Variants in PTK2B observed in about 807,000 individuals in gnomAD.
The protein encoded by PTK2B is protein tyrosine kinase 2 beta, also known as protein-tyrosine kinase 2-beta.
A neutral mutation model predicts 142.9 loss-of-function variants in PTK2B; 71 were observed. That is an observed-to-expected ratio of 0.50 (90% CI 0.41 to 0.61). The LOEUF (loss-of-function observed/expected upper bound fraction) is 0.61. Ranked by LOEUF, PTK2B falls within the 20% of genes least tolerant of loss-of-function variation. The probability of loss-of-function intolerance (pLI) is 0.00; values close to 1 mark genes in which losing one functional copy is unlikely to be tolerated. For synonymous variants in PTK2B, 519 were observed against 503.4 expected, an observed-to-expected ratio of 1.03 and a Z score of -0.42; for missense variants, 1,105 against 1,320.4, an observed-to-expected ratio of 0.84 and a Z score of 2.53.
intron 1 of PTK2B, among the ~76,000 whole-genome samples, chr8:27,379,520 A>T (rs959281868): frequency 6.6e-6 from 1 of 152,130 alleles, no homozygotes; most frequent in Non-Finnish European, 1.5e-5. Context: ...GAGCCACCAC[A>T]CCCAGCCTAC....
At chr8:27,440,827 G>C (rs890889109) in intron 21 of PTK2B, among the ~76,000 whole-genome samples, 1 of 152,218 alleles carries the variant, frequency 6.6e-6, no homozygotes, top group Non-Finnish European at 1.5e-5. Flanking sequence ...TAGCAAGGAA[G>C]GGAGTGATCT....
chr8:27,430,242 G>C, intron 6 of PTK2B, 87 bp downstream of exon 6: 1 of 1,578,878 alleles, frequency 6.3e-7, no homozygotes, highest in Non-Finnish European at 8.7e-7. Flanking sequence ...CCCCTCCCCA[G>C]ACCAGAGCCA....
In PTK2B at chr8:27,399,071, T is replaced by C. The variant is rs368055854; in HGVS notation, c.204+1283T>C. Among the ~76,000 whole-genome samples, 15 of 152,238 alleles carry C rather than the reference T, an allele frequency of 9.9e-5. No homozygotes were observed. The East Asian group carries it at 1.7e-3, about 18-fold the overall frequency. On this transcript the variant is annotated intron_variant, in intron 2 of 30. Transcript: ENST00000346049. ...CCAGGAGGATGTTTTCCTCTCTCTT[T>C]ATCCACTTCATGAGTCTTCCTTTGG...
intron 1 of PTK2B, among the ~76,000 whole-genome samples, chr8:27,341,488 T>G (rs1804397466): frequency 6.6e-6 from 1 of 152,122 alleles, no homozygotes; most frequent in South Asian, 2.1e-4. Context: ...CAAAAGCTCA[T>G]CCACTCCCAA....
chr8:27,385,819 G>A (rs1209683313), intron 1 of PTK2B, among the ~76,000 whole-genome samples: 1 of 151,234 alleles, frequency 6.6e-6, no homozygotes, highest in Non-Finnish European at 1.5e-5. Flanking sequence ...CTTGAACCCG[G>A]GAGGCAGAGT....
At chr8:27,380,142 C>T (rs2131085723) in intron 1 of PTK2B, among the ~76,000 whole-genome samples, 1 of 152,152 alleles carries the variant, frequency 6.6e-6, no homozygotes, top group East Asian at 1.9e-4. Flanking sequence ...CAGGGACTTG[C>T]TACTCACATC....
Position 27,458,504 on chromosome 8 carries a change from G to C in PTK2B, c.3025G>C (p.Glu1009Gln). 6.4e-7 allele frequency: 1 copy of C among 1,566,994 alleles called. No homozygotes were observed. Among genetic ancestry groups the C allele is most frequent in the Non-Finnish European group, 8.6e-7 (1 of 1,156,814 alleles). The stretch of plus-strand genomic sequence containing the variant: ...GGCCAATCTGGCCCACCCACCTGCA[G>C]AGTGACGGAGGGTGGGGGCCACCTG... ...VLANLAHPPAE is the reference protein window; with the variant it reads ...VLANLAHPPAQ Residue 1009 changes from glutamate to glutamine, a missense_variant, in exon 31 of 31, where the codon GAG (glutamate) becomes CAG (glutamine). Transcript: ENST00000346049.
At chr8:27,376,558 G>A (rs1806682792) in intron 1 of PTK2B, among the ~76,000 whole-genome samples, 1 of 152,184 alleles carries the variant, frequency 6.6e-6, no homozygotes, top group Non-Finnish European at 1.5e-5. Flanking sequence ...CTAAGTCACA[G>A]GGTGAGATAG....
At position 27,437,129 on chromosome 8, in the gene PTK2B, A is replaced by G. The variant is rs764107558; in HGVS notation, c.1349A>G (p.Glu450Gly). 8 of 1,613,720 alleles carry G rather than the reference A, an allele frequency of 5.0e-6. No individual in the cohort carries two copies. The highest frequency in any genetic ancestry group is 6.8e-6 in the Non-Finnish European group (8 of 1,179,690). ...AACACACTCTTGTTACAGAAAGGGG[A>G]GAAAATCAATGTAGCTGTCAAGACC... Reference protein sequence around the residue: ...YEGVYTNHKGEKINVAVKTCK... With the variant: ...YEGVYTNHKGGKINVAVKTCK... Residue 450 changes from glutamate (E) to glycine (G), a missense_variant, in exon 16 of 31, where the codon GAG (glutamate) becomes GGG (glycine). Physicochemically the swap from Glu to Gly is moderately conservative, Grantham distance 98. Transcript: ENST00000346049.
intron 1 of PTK2B, among the ~76,000 whole-genome samples, chr8:27,375,385 C>T (rs1806602952): frequency 6.6e-6 from 1 of 152,210 alleles, no homozygotes; most frequent in African/African-American, 2.4e-5. Flanking sequence ...AAGTGTCTGA[C>T]TTGGGCAGTT....
At chr8:27,432,219 G>C in intron 9 of PTK2B, 41 bp from the exon 10 acceptor site, 1 of 1,588,110 alleles carries the variant, frequency 6.3e-7, no homozygotes, top group Non-Finnish European at 8.6e-7. Flanking sequence ...GCCTAGTCCT[G>C]GTAGTGGGAT....
intron 1 of PTK2B, among the ~76,000 whole-genome samples, chr8:27,387,441 T>G (rs2131249408): frequency 6.6e-6 from 1 of 152,160 alleles, no homozygotes. Flanking sequence ...GATGAAGGAG[T>G]CAGATCCATC....
At chr8:27,407,715 TTCCAGCTCACA>T (rs1477314566) in intron 2 of PTK2B, among the ~76,000 whole-genome samples, 1 of 152,164 alleles carries the variant, frequency 6.6e-6, no homozygotes, top group Non-Finnish European at 1.5e-5. Flanking sequence ...CGAACTCCAT[TTCCAGCTCACA>T]TCTTCATGTC....
chr8:27,387,193 G>A (rs1041212366), intron 1 of PTK2B, among the ~76,000 whole-genome samples: 1 of 152,094 alleles, frequency 6.6e-6, no homozygotes, highest in Non-Finnish European at 1.5e-5. Flanking sequence ...TGTGTTTGTT[G>A]GGGTACAGTG....
In PTK2B at chr8:27,431,482, C is replaced by A. The variant is rs565805978; in HGVS notation, c.885+10C>A. 124 of 1,613,776 alleles carry A rather than the reference C, an allele frequency of 7.7e-5. 1 individual carries two copies. In the South Asian group the frequency reaches 1.2e-3, roughly 15 times the overall value. ...TAGTCAGGACGCAAAGGTAGAGAGA[C>A]CCGGGGCAGCCCCACCCAGCCCCAG... is the stretch of plus-strand genomic sequence containing the variant. On this transcript the variant is annotated intron_variant, in intron 9 of 30. Coordinates refer to ENST00000346049, the MANE Select transcript of PTK2B (RefSeq NM_173176.3).
At chr8:27,377,551 G>A (rs762828635) in intron 1 of PTK2B, among the ~76,000 whole-genome samples, 4 of 152,152 alleles carry the variant, frequency 2.6e-5, no homozygotes, top group Admixed American at 1.3e-4. Flanking sequence ...CTTAGTTCTA[G>A]TCCTGATTCT....
At chr8:27,454,909 A>G (rs2322588) in intron 30 of PTK2B, among the ~76,000 whole-genome samples, 129,467 of 152,214 alleles carry the variant, frequency 0.85, 55,449 homozygotes, top group Middle Eastern at 0.94. Context: ...ATTATTGTTT[A>G]TCTGGTTGCC....
Position 27,433,466 on chromosome 8 carries a change from A to G in PTK2B, c.1019A>G (p.Glu340Gly). The change falls in exon 11 of 31, where the codon GAG (glutamate) becomes GGG (glycine). Residue 340 changes from glutamate to glycine, a missense_variant. By Grantham distance (98) the Glu-to-Gly change is moderately conservative. Transcript: ENST00000346049. ...ALSIKTSSLAEAENMADLIDG... is the reference protein window; with the variant it reads ...ALSIKTSSLAGAENMADLIDG... Reference sequence around the variant, plus strand: ...TCCATCAAAACCTCATCCCTAGCAGAGGCTGAGAACATGGCTGACCTCATA... The same window carrying G: ...TCCATCAAAACCTCATCCCTAGCAGGGGCTGAGAACATGGCTGACCTCATA... 6.2e-7 allele frequency: 1 copy of G among 1,614,192 alleles called. No homozygotes were observed. The highest frequency in any genetic ancestry group is 8.5e-7 in the Non-Finnish European group (1 of 1,180,002).
In PTK2B at chr8:27,450,753, AG is replaced by A; in HGVS notation, c.2347del (p.Asp783ThrfsTer53). The A allele has an allele frequency of 6.2e-7, 1 of 1,614,162 alleles. No individual in the cohort carries two copies. ...TTCTCTCTGCCGTCCTCCCAGGAGG[AG>A]GACTTCATCCAACCCAGCAGCCGAG... ...NVFKRHSMREEDFIQPSSREE... is the reference protein window; with the variant it reads ...NVFKRHSMREXDFIQPSSREE... On this transcript the variant is annotated frameshift_variant, in exon 25 of 31. Coordinates refer to ENST00000346049, the MANE Select transcript of PTK2B (RefSeq NM_173176.3). LOFTEE classifies it high-confidence loss of function.
Sources: allele counts gnomAD v4.1 joint callset (sites outside exome capture counted in the v4.1 genomes callset), GRCh38; gene constraint gnomAD v4.1.1; transcripts MANE v1.5; gene names NCBI Gene and HGNC (gene_info 2026-07-23, HGNC 2026-07-21).